CANX: variants seen among roughly 807,000 people sequenced by gnomAD.
CANX encodes the protein calnexin, also known as epididymis secretory sperm binding protein.
A neutral mutation model predicts 75.7 loss-of-function variants in CANX; 14 were observed. The ratio of observed to expected loss-of-function variants is 0.19; its 90% confidence interval spans 0.12 to 0.29. The LOEUF (loss-of-function observed/expected upper bound fraction) is 0.29, where lower values mean the gene tolerates loss of function less well. CANX is among the 10% of genes least tolerant of loss of function. The probability of loss-of-function intolerance (pLI) is 1.00; values close to 1 mark genes in which losing one functional copy is unlikely to be tolerated. For missense variants in CANX, 567 were observed against 713.2 expected (o/e 0.79, Z 2.34); for synonymous variants, 227 against 236.9 (o/e 0.96, Z 0.38).
At chr5:179,719,410 C>T (rs780584840) in intron 8 of CANX, among the ~76,000 whole-genome samples, 3 of 152,072 alleles carry the variant, frequency 2.0e-5, no homozygotes, top group African/African-American at 4.8e-5. Flanking sequence ...TTTTTACATT[C>T]GTATGTCTTC....
chr5:179,682,915 G>C (rs1241782312), intron 1 of CANX, among the ~76,000 whole-genome samples: 1 of 152,110 alleles, frequency 6.6e-6, no homozygotes. Context: ...GGAGGGAAGT[G>C]GCTGGGCATG....
chr5:179,727,439 C>T (rs1477247508), intron 14 of CANX, among the ~76,000 whole-genome samples: 1 of 152,206 alleles, frequency 6.6e-6, no homozygotes, highest in Non-Finnish European at 1.5e-5. Context: ...AGGTAGAGAA[C>T]TTTTCCATGG....
upstream of CANX, chr5:179,698,608 G>A (rs1429446473): frequency 7.8e-6 from 10 of 1,286,636 alleles, no homozygotes; most frequent in Non-Finnish European, 1.0e-5. Context: ...AGACGGGTGA[G>A]GGCTACTGGG....
intron 7 of CANX, among the ~76,000 whole-genome samples, chr5:179,714,390 A>C (rs62404346): frequency 0.36 from 55,193 of 152,250 alleles, 11,089 homozygotes; most frequent in South Asian, 0.55. Flanking sequence ...ATATGTCAAT[A>C]AAAACATACA....
At chr5:179,680,684 C>G (rs972811550) in intron 1 of CANX, among the ~76,000 whole-genome samples, 2 of 152,146 alleles carry the variant, frequency 1.3e-5, no homozygotes, top group Non-Finnish European at 2.9e-5. Flanking sequence ...CTGCACCCCC[C>G]ACCCCTGCCC....
chr5:179,681,129 G>A (rs1272028093), intron 1 of CANX, among the ~76,000 whole-genome samples: 7 of 152,132 alleles, frequency 4.6e-5, no homozygotes, highest in Non-Finnish European at 8.8e-5. Flanking sequence ...GGTGCTGACC[G>A]CTGAGCTGTC....
intron 1 of CANX, among the ~76,000 whole-genome samples, chr5:179,692,248 T>C (rs911878048): frequency 3.2e-4 from 48 of 152,028 alleles, no homozygotes; most frequent in Non-Finnish European, 3.7e-4. Flanking sequence ...CTAATTTTTG[T>C]ATTTTTAGTA....
intron 1 of CANX, among the ~76,000 whole-genome samples, chr5:179,680,156 A>G (rs1425821336): frequency 6.6e-6 from 1 of 151,708 alleles, no homozygotes; most frequent in Non-Finnish European, 1.5e-5. Context: ...CTTGGATAGG[A>G]TTGGTGCTGG....
Position 179,705,667 on chromosome 5 carries a change from C to G in CANX, c.-3-12C>G, listed in dbSNP as rs1777081349. Reference sequence around the variant, plus strand: ...GGCAATACATTTAACTGATTTTGCTCTTTATGTGTAGATCATGGAAGGGAA... The same window carrying G: ...GGCAATACATTTAACTGATTTTGCTGTTTATGTGTAGATCATGGAAGGGAA... On this transcript the variant is annotated splice_polypyrimidine_tract_variant and intron_variant, in intron 1 of 14. Coordinates refer to ENST00000247461, the MANE Select transcript of CANX (RefSeq NM_001746.4). 1 of 1,605,782 alleles carries G rather than the reference C, an allele frequency of 6.2e-7. No homozygotes were observed. The highest frequency in any genetic ancestry group is 8.5e-7 in the Non-Finnish European group (1 of 1,174,260).
At chr5:179,717,711 T>C (rs922401605) in intron 8 of CANX, among the ~76,000 whole-genome samples, 2 of 150,852 alleles carry the variant, frequency 1.3e-5, no homozygotes, top group Admixed American at 6.6e-5. Flanking sequence ...ATATGTTTTT[T>C]CTTTTCTTGC....
At chr5:179,678,674 G>T in exon 1 of CANX, 1 of 1,535,616 alleles carries the variant, frequency 6.5e-7, no homozygotes, top group East Asian at 2.4e-5. Context: ...GGCGCGCGCC[G>T]CAGCCGTCGG....
chr5:179,723,624 G>A (rs757535438), intron 11 of CANX, 36 bp from the exon 12 acceptor site: 1 of 1,606,298 alleles, frequency 6.2e-7, no homozygotes. Flanking sequence ...GGTGTCAAAA[G>A]CTGGAACTTT....
chr5:179,700,408 T>G (rs1200353611), intron 1 of CANX: 1 of 152,142 alleles, frequency 6.6e-6, no homozygotes, highest in Non-Finnish European at 1.5e-5. Flanking sequence ...TGTTTGAGGG[T>G]CATGAATAGA....
chr5:179,723,995 T>C (rs1478042548), intron 12 of CANX, among the ~76,000 whole-genome samples: 1 of 152,152 alleles, frequency 6.6e-6, no homozygotes, highest in Non-Finnish European at 1.5e-5. Context: ...GTTGCTATTA[T>C]TATTTATCCT....
chr5:179,711,061 C>A (rs1461160826), intron 7 of CANX, among the ~76,000 whole-genome samples: 2 of 151,488 alleles, frequency 1.3e-5, no homozygotes, highest in Non-Finnish European at 2.9e-5. Context: ...TGTACCCCCT[C>A]CACGAAAGAA....
intron 7 of CANX, among the ~76,000 whole-genome samples, chr5:179,712,123 T>G (rs1317618108): frequency 1.3e-5 from 2 of 151,628 alleles, no homozygotes; most frequent in African/African-American, 4.8e-5. Context: ...AGGTGTTTTT[T>G]TTTTTTTTTT....
At chr5:179,716,368 T>C in intron 8 of CANX, 74 bp downstream of exon 8, 2 of 1,077,712 alleles carry the variant, frequency 1.9e-6, no homozygotes, top group Non-Finnish European at 2.7e-6. Context: ...CAACGAAATG[T>C]TGGTTGAGTA....
chr5:179,726,675 C>A lies in CANX; in HGVS notation c.1646-5C>A. 6.2e-7 allele frequency: 1 copy of A among 1,604,766 alleles called. No individual in the cohort carries two copies. Among genetic ancestry groups the A allele is most frequent in the Non-Finnish European group, 8.5e-7 (1 of 1,171,878 alleles). On this transcript the variant is annotated splice_region_variant and splice_polypyrimidine_tract_variant and intron_variant, in intron 13 of 14. Transcript: ENST00000247461. ...TTTTGCTCAGTTGTTTAACTTCTGT[C>A]TTAGAAGAGAAACAGAAAAGTGATG... is the stretch of plus-strand genomic sequence containing the variant.
At chr5:179,716,325 AG>A in intron 8 of CANX, 31 bp downstream of exon 8, 1 of 1,537,882 alleles carries the variant, frequency 6.5e-7, no homozygotes, top group African/African-American at 1.4e-5. Context: ...TTCAAGTGTA[AG>A]GGAGCATTTC....
Sources: allele counts gnomAD v4.1 joint callset (sites outside exome capture counted in the v4.1 genomes callset), GRCh38; gene constraint gnomAD v4.1.1; transcripts MANE v1.5; gene names NCBI Gene and HGNC (gene_info 2026-07-23, HGNC 2026-07-21).